Variants in TMEM255A observed in about 807,000 individuals in gnomAD.
The protein encoded by TMEM255A is transmembrane protein 255A, also known as family with sequence similarity 70, member A.
TMEM255A carries 14 observed loss-of-function variants against 23.5 expected under a neutral mutation model. The ratio of observed to expected loss-of-function variants is 0.60; its 90% confidence interval spans 0.39 to 0.93. The LOEUF (loss-of-function observed/expected upper bound fraction) is 0.93, where lower values mean the gene tolerates loss of function less well. Ranked by LOEUF, TMEM255A falls within the 40% of genes least tolerant of loss-of-function variation. The probability of loss-of-function intolerance (pLI) is 0.00; values close to 1 mark genes in which losing one functional copy is unlikely to be tolerated. For missense variants in TMEM255A, 233 were observed against 261.7 expected (o/e 0.89, Z 0.76); for synonymous variants, 104 against 100.3 (o/e 1.04, Z -0.22).
At chrX:120,274,240 G>A (rs968015821) in intron 7 of TMEM255A, among the ~76,000 whole-genome samples, 1 of 111,887 alleles carries the variant, frequency 8.9e-6, no homozygotes, top group African/African-American at 3.3e-5. Flanking sequence ...CAGCAGATTA[G>A]GGGTTGCTGG....
At chrX:120,285,106 T>C in intron 6 of TMEM255A, 21 bp downstream of exon 6, 1 of 1,172,456 alleles carries the variant, frequency 8.5e-7, no homozygotes, top group Non-Finnish European at 1.2e-6. Flanking sequence ...ATTATTCCTG[T>C]GTCTGGGCCT....
At chrX:120,296,786 TA>T (rs1556024291) in intron 2 of TMEM255A, among the ~76,000 whole-genome samples, 3 of 9,498 alleles carry the variant, frequency 3.2e-4, no homozygotes, top group African/African-American at 9.4e-4. Context: ...TTATATATCA[TA>T]TATAATATAT....
At chrX:120,296,162 C>A (rs1018612004) in intron 2 of TMEM255A, among the ~76,000 whole-genome samples, 1 of 111,809 alleles carries the variant, frequency 8.9e-6, no homozygotes, top group African/African-American at 3.3e-5. Flanking sequence ...CAAAGGTATT[C>A]GCAGAATGTC....
intron 4 of TMEM255A, among the ~76,000 whole-genome samples, chrX:120,290,730 C>G (rs971188526): frequency 8.9e-6 from 1 of 111,778 alleles, no homozygotes; most frequent in East Asian, 2.8e-4. Flanking sequence ...CATTTATATT[C>G]CTGGTCCTGA....
At chrX:120,303,516 C>T (rs1040285451) in intron 2 of TMEM255A, among the ~76,000 whole-genome samples, 7 of 111,281 alleles carry the variant, frequency 6.3e-5, no homozygotes, top group African/African-American at 1.3e-4. Flanking sequence ...TGTAAGCAAA[C>T]GTAAGCAACA....
downstream of TMEM255A, chrX:120,256,844 G>A (rs1556015579): frequency 8.3e-6 from 1 of 120,562 alleles, no homozygotes; most frequent in Non-Finnish European, 1.9e-5. Context: ...GTTGTGCATA[G>A]TTATTAGTCA....
intron 6 of TMEM255A, among the ~76,000 whole-genome samples, chrX:120,277,438 G>A (rs1556020068): frequency 8.9e-6 from 1 of 112,107 alleles, no homozygotes; most frequent in East Asian, 2.8e-4. Context: ...GTAAAATTAA[G>A]TAAAAAGAAA....
intron 1 of TMEM255A, among the ~76,000 whole-genome samples, chrX:120,308,511 C>T (rs1374860937): frequency 1.8e-5 from 2 of 111,347 alleles, no homozygotes; most frequent in Non-Finnish European, 3.8e-5. Context: ...AGGGTGGGTC[C>T]CCGGATATCC....
At chrX:120,256,950 C>G (rs2057642196), downstream of TMEM255A, 1 of 122,657 alleles carries the variant, frequency 8.2e-6, no homozygotes. Context: ...TGACTTTGAA[C>G]TTAAAGCTTT....
At chrX:120,296,971 ATTATATATAT>A (rs1569340013) in intron 2 of TMEM255A, among the ~76,000 whole-genome samples, 9 of 1,780 alleles carry the variant, frequency 5.1e-3, no homozygotes, top group East Asian at 0.077. Context: ...AATATATAAT[ATTATATATAT>A]TATATATATA....
At chrX:120,295,738 T>A (rs2057949630) in intron 2 of TMEM255A, among the ~76,000 whole-genome samples, 2 of 112,229 alleles carry the variant, frequency 1.8e-5, no homozygotes, top group African/African-American at 6.5e-5. Context: ...TCAATTTTCT[T>A]ATATTGTAAA....
chrX:120,290,840 G>A lies in TMEM255A; in HGVS notation c.354+411C>T, dbSNP rs148593804. Among the ~76,000 whole-genome samples, 696 of 111,409 alleles carry A rather than the reference G, an allele frequency of 6.2e-3. 7 individuals carry two copies. The highest frequency in any genetic ancestry group is 0.021 in the African/African-American group (644 of 30,597). On this transcript the variant is annotated intron_variant, in intron 4 of 8. Transcript: ENST00000371369. ...CCATTTCATAGACTATTTGGGTGAC[G>A]GCATTGACCATAAGTCATGTGGCTT...
intron 7 of TMEM255A, among the ~76,000 whole-genome samples, chrX:120,269,050 A>G (rs1385881138): frequency 9.0e-6 from 1 of 111,125 alleles, no homozygotes; most frequent in African/African-American, 3.3e-5. Context: ...ATTTCTCATC[A>G]GCCCTGTAGA....
intron 7 of TMEM255A, among the ~76,000 whole-genome samples, chrX:120,272,195 G>A (rs1048490431): frequency 2.7e-5 from 3 of 111,228 alleles, no homozygotes; most frequent in Non-Finnish European, 5.7e-5. Context: ...TCTGCACCTA[G>A]GGCCCTGAGC....
chrX:120,294,227 G>A (rs990222759), intron 2 of TMEM255A, among the ~76,000 whole-genome samples, 176 bp from the exon 3 acceptor site: 4 of 110,090 alleles, frequency 3.6e-5, no homozygotes, highest in Non-Finnish European at 7.6e-5. Context: ...GAGGTCAGGA[G>A]ATCGAGACCA....
chrX:120,271,388 TAAACAG>T lies in TMEM255A; in HGVS notation c.676-3007_676-3002del, dbSNP rs1449115270. 4.5e-5 allele frequency among the ~76,000 whole-genome samples: 5 copies of T among 111,603 alleles called. No homozygotes were observed. The East Asian group carries it at 1.1e-3, about 25-fold the overall frequency. On this transcript the variant is annotated intron_variant, in intron 7 of 8. Transcript: ENST00000371369. ...CCTCTTGGCCTGTTTCCTCACCTGT[TAAACAG>T]AGACAGTAATACCTACCTCACAAAG...
At chrX:120,253,807 A>T (rs782716913), downstream of TMEM255A, 1 of 1,211,794 alleles carries the variant, frequency 8.3e-7, no homozygotes, top group Non-Finnish European at 1.1e-6. Context: ...GGTACAGCGC[A>T]GGATGGTAAT....
intron 1 of TMEM255A, among the ~76,000 whole-genome samples, chrX:120,309,463 C>A (rs967085987): frequency 1.8e-4 from 20 of 113,066 alleles, no homozygotes; most frequent in Non-Finnish European, 3.6e-4. Flanking sequence ...ACCAACCAGC[C>A]CACTCCCCGA....
Position 120,259,687 on chromosome X carries a change from C to T in TMEM255A, c.*1183G>A, listed in dbSNP as rs1036603999. ...GGCATGGGTGCAAAAGCTTTAAACTCATCAGGTTGATGGTTTAAAGCTATG... is the reference window on the plus strand; with the variant it reads ...GGCATGGGTGCAAAAGCTTTAAACTTATCAGGTTGATGGTTTAAAGCTATG... On this transcript the variant is annotated 3_prime_UTR_variant, in exon 9 of 9. Coordinates refer to ENST00000371369, the MANE Select transcript of TMEM255A (RefSeq NM_001104544.3). 4 of 112,310 alleles carry T rather than the reference C, an allele frequency of 3.6e-5. No homozygotes were observed. The highest frequency in any genetic ancestry group is 7.5e-5 in the Non-Finnish European group (4 of 53,212). The allele number at this position is 112,310 out of a possible 1,213,427, so 9.3% of individuals were successfully genotyped here.
Sources: allele counts gnomAD v4.1 joint callset (sites outside exome capture counted in the v4.1 genomes callset), GRCh38; gene constraint gnomAD v4.1.1; transcripts MANE v1.5; gene names NCBI Gene and HGNC (gene_info 2026-07-23, HGNC 2026-07-21).